The following PURB variants were observed in gnomAD, a reference collection of about 807,000 sequenced individuals.
The protein encoded by PURB is purine rich element binding protein B, also known as transcriptional regulator protein Pur-beta.
PURB carries 11 observed loss-of-function variants against 21.1 expected under a neutral mutation model. The ratio of observed to expected loss-of-function variants is 0.52; its 90% CI spans 0.33 to 0.86. PURB has a LOEUF of 0.86. PURB is among the 40% of genes least tolerant of loss of function. The pLI, the probability that PURB is intolerant of heterozygous loss-of-function variation, is 0.02. For missense variants in PURB, 357 were observed against 456.5 expected (o/e 0.78, Z 1.99); for synonymous variants, 246 against 210.8 (o/e 1.17, Z -1.45).
chr7:44,882,623 G>T lies in PURB; in HGVS notation c.*1787C>A, dbSNP rs1340422137. 6.6e-6 allele frequency: 1 copy of T among 152,074 alleles called. No homozygotes were observed. The highest frequency in any genetic ancestry group is 1.5e-5 in the Non-Finnish European group (1 of 68,018). The allele number at this position is 152,074 out of a possible 1,614,324, so 9.4% of individuals were successfully genotyped here. A position where few individuals can be genotyped will look rare whatever the true frequency, so the allele number is the denominator to read the frequency against. On this transcript the variant is annotated 3_prime_UTR_variant, in exon 1 of 1. Coordinates refer to ENST00000395699, the MANE Select transcript of PURB (RefSeq NM_033224.5). Reference sequence around the variant, plus strand: ...ATTTCCCAATAAATACAAAAAGATTGTATAGATTGAATAATACCAAAATAA... The same window carrying T: ...ATTTCCCAATAAATACAAAAAGATTTTATAGATTGAATAATACCAAAATAA...
In PURB at chr7:44,882,238, A is replaced by T. The variant is rs1183754910; in HGVS notation, c.*2172T>A. 1 of 152,674 alleles carries T rather than the reference A, an allele frequency of 6.5e-6. No individual in the cohort carries two copies. 9.5% of individuals were successfully genotyped at this position (152,674 alleles called of 1,614,324 possible). A position where few individuals can be genotyped will look rare whatever the true frequency, so the allele number is the denominator to read the frequency against. ...ACACTCAAAACACGTAGGTAAATACAGCAGGACATTATTGAAAAACAGCTG... is the reference window on the plus strand; with the variant it reads ...ACACTCAAAACACGTAGGTAAATACTGCAGGACATTATTGAAAAACAGCTG... On this transcript the variant is annotated 3_prime_UTR_variant, in exon 1 of 1. Transcript: ENST00000395699.
Position 44,885,482 on chromosome 7 carries a change from GCCC to G in PURB, c.-137_-135del. On this transcript the variant is annotated 5_prime_UTR_variant, in exon 1 of 1. Coordinates refer to ENST00000395699, the MANE Select transcript of PURB (RefSeq NM_033224.5). Reference sequence around the variant, plus strand: ...CCGCCGCTCATCGCCGGCCGCCGCCGCCCCCCCATCGCCTCCGCGCCCCGCCCC... The same window carrying G: ...CCGCCGCTCATCGCCGGCCGCCGCCGCCCCATCGCCTCCGCGCCCCGCCCC... The G allele has an allele frequency of 5.1e-6, 1 of 194,958 alleles. No individual in the cohort carries two copies. The highest frequency in any genetic ancestry group is 9.3e-6 in the Non-Finnish European group (1 of 107,796). The allele number at this position is 194,958 out of a possible 1,614,324, so 12.1% of individuals were successfully genotyped here. A position where few individuals can be genotyped will look rare whatever the true frequency, so the allele number is the denominator to read the frequency against.
Position 44,881,275 on chromosome 7 carries a change from A to C in PURB, c.*3135T>G, listed in dbSNP as rs947463348. On this transcript the variant is annotated 3_prime_UTR_variant, in exon 1 of 1. Transcript: ENST00000395699. ...TCATTCATAGCAACAACTGAAAAAC[A>C]AAAAAATTGGTTGTTTCCCATGTCT... 3.3e-5 allele frequency: 5 copies of C among 152,350 alleles called. No homozygotes were observed. The South Asian group carries it at 1.0e-3, about 32-fold the overall frequency. The allele number at this position is 152,350 out of a possible 1,614,324, so 9.4% of individuals were successfully genotyped here.
rs547915036 is a variant in PURB at position 44,882,638 on chromosome 7, T to A, written c.*1772A>T. ...CAAAAAGATTGTATAGATTGAATAA[T>A]ACCAAAATAAGATAATAAAAAGGAT... On this transcript the variant is annotated 3_prime_UTR_variant, in exon 1 of 1. Coordinates refer to ENST00000395699, the MANE Select transcript of PURB (RefSeq NM_033224.5). 5 of 152,212 alleles carry A rather than the reference T, an allele frequency of 3.3e-5. No homozygotes were observed. The highest frequency in any genetic ancestry group is 1.2e-4 in the African/African-American group (5 of 41,530). The allele number at this position is 152,212 out of a possible 1,614,324, so 9.4% of individuals were successfully genotyped here. A position where few individuals can be genotyped will look rare whatever the true frequency, so the allele number is the denominator to read the frequency against.
In PURB at chr7:44,884,345, G is replaced by A; in HGVS notation, c.*65C>T. The stretch of plus-strand genomic sequence containing the variant: ...CCACTAGCTCACTGGGGATGAGCAG[G>A]AAAGGGAATTCTCTAGCCAAGGGGA... On this transcript the variant is annotated 3_prime_UTR_variant, in exon 1 of 1. Transcript: ENST00000395699. The A allele has an allele frequency of 1.9e-6, 3 of 1,570,130 alleles. No individual in the cohort carries two copies. Among genetic ancestry groups the A allele is most frequent in the Non-Finnish European group, 1.7e-6 (2 of 1,161,352 alleles).
chr7:44,884,802 G>A lies in PURB; in HGVS notation c.547C>T (p.Arg183Cys). Residue 183 changes from arginine to cysteine, a missense_variant, in exon 1 of 1, where the codon CGC becomes TGC. Arg to Cys is a radical substitution (Grantham distance 180). Transcript: ENST00000395699. ...ALPAQGLIEF[R>C]DALAKLIDDY... is the part of the protein sequence containing the mutation. Reference sequence around the variant, plus strand: ...TCTATGAGCTTCGCCAGCGCGTCGCGGAACTCGATGAGGCCCTGCGCAGGC... The same window carrying A: ...TCTATGAGCTTCGCCAGCGCGTCGCAGAACTCGATGAGGCCCTGCGCAGGC... 2 of 1,600,136 alleles carry A rather than the reference G, an allele frequency of 1.2e-6. No individual in the cohort carries two copies. The highest frequency in any genetic ancestry group is 1.7e-4 in the Middle Eastern group (1 of 6,042).
In PURB at chr7:44,878,841, T is replaced by A. The variant is rs1170825402; in HGVS notation, c.*5569A>T. 2.0e-5 allele frequency: 3 copies of A among 152,368 alleles called. No individual in the cohort carries two copies. The highest frequency in any genetic ancestry group is 4.4e-5 in the Non-Finnish European group (3 of 68,032). The allele number at this position is 152,368 out of a possible 1,614,324, so 9.4% of individuals were successfully genotyped here. A position where few individuals can be genotyped will look rare whatever the true frequency, so the allele number is the denominator to read the frequency against. ...CTGTTAAATCCGTCAGTAATAAAAC[T>A]GAGTTTTAAGACTGAGGGCTGGGAA... On this transcript the variant is annotated 3_prime_UTR_variant, in exon 1 of 1. Coordinates refer to ENST00000395699, the MANE Select transcript of PURB (RefSeq NM_033224.5).
Position 44,879,809 on chromosome 7 carries a change from T to C in PURB, c.*4601A>G, listed in dbSNP as rs927894507. ...TTATCTAAGGGAGCCTGAGAAACTA[T>C]GATCCACATCACACAAAGATTTCAT... On this transcript the variant is annotated 3_prime_UTR_variant, in exon 1 of 1. Transcript: ENST00000395699. The C allele has an allele frequency of 2.0e-5, 3 of 152,662 alleles. No homozygotes were observed. Among genetic ancestry groups the C allele is most frequent in the African/African-American group, 7.2e-5 (3 of 41,464 alleles). 9.5% of individuals were successfully genotyped at this position (152,662 alleles called of 1,614,324 possible).
chr7:44,880,771 G>A lies in PURB; in HGVS notation c.*3639C>T, dbSNP rs1478215573. ...GGAAGCAGGAGGTTAACGGCTGCCT[G>A]CACCAAAAGCCTCTCAATCATTTTG... On this transcript the variant is annotated 3_prime_UTR_variant, in exon 1 of 1. Coordinates refer to ENST00000395699, the MANE Select transcript of PURB (RefSeq NM_033224.5). 1.3e-5 allele frequency: 2 copies of A among 152,644 alleles called. No individual in the cohort carries two copies. The highest frequency in any genetic ancestry group is 1.3e-4 in the Admixed American group (2 of 15,278). 9.5% of individuals were successfully genotyped at this position (152,644 alleles called of 1,614,324 possible).
In PURB at chr7:44,878,688, G is replaced by T. The variant is rs1012483503; in HGVS notation, c.*5722C>A. The T allele has an allele frequency of 6.6e-6, 1 of 152,600 alleles. No individual in the cohort carries two copies. Among genetic ancestry groups the T allele is most frequent in the African/African-American group, 2.4e-5 (1 of 41,426 alleles). The allele number at this position is 152,600 out of a possible 1,614,324, so 9.5% of individuals were successfully genotyped here. ...AAATACATTCATAAAGGCCTTACTT[G>T]GATCAGGGGTACAGATATCAATTGG... On this transcript the variant is annotated 3_prime_UTR_variant, in exon 1 of 1. Coordinates refer to ENST00000395699, the MANE Select transcript of PURB (RefSeq NM_033224.5).
In PURB at chr7:44,882,581, C is replaced by T. The variant is rs1475598695; in HGVS notation, c.*1829G>A. 2 of 152,092 alleles carry T rather than the reference C, an allele frequency of 1.3e-5. No homozygotes were observed. The highest frequency in any genetic ancestry group is 2.9e-5 in the Non-Finnish European group (2 of 67,994). The allele number at this position is 152,092 out of a possible 1,614,324, so 9.4% of individuals were successfully genotyped here. A position where few individuals can be genotyped will look rare whatever the true frequency, so the allele number is the denominator to read the frequency against. On this transcript the variant is annotated 3_prime_UTR_variant, in exon 1 of 1. Coordinates refer to ENST00000395699, the MANE Select transcript of PURB (RefSeq NM_033224.5). Reference sequence around the variant, plus strand: ...CTCTCAGCCACAAATACATGAAAACCTTTTTGTATATTACTCATTTCCCAA... The same window carrying T: ...CTCTCAGCCACAAATACATGAAAACTTTTTTGTATATTACTCATTTCCCAA...
rs1037310725 is a variant in PURB, at chr7:44,885,379, C to T, written c.-31G>A. 16 of 944,194 alleles carry T rather than the reference C, an allele frequency of 1.7e-5. No homozygotes were observed. The highest frequency in any genetic ancestry group is 4.4e-4 in the Middle Eastern group (1 of 2,278). 58.5% of individuals were successfully genotyped at this position (944,194 alleles called of 1,614,324 possible). On this transcript the variant is annotated 5_prime_UTR_variant, in exon 1 of 1. Coordinates refer to ENST00000395699, the MANE Select transcript of PURB (RefSeq NM_033224.5). ...AGGCCGCCGCCTCGCCGCCACCGCC[C>T]GCCGCGCTCGCGCCCCCGCCCTCCG...
Position 44,885,166 on chromosome 7 carries a change from G to C in PURB, c.183C>G (p.Ile61Met). Residue 61 changes from isoleucine to methionine, a missense_variant, in exon 1 of 1, where the codon ATC becomes ATG. Physicochemically the swap from Ile to Met is conservative, Grantham distance 10. Coordinates refer to ENST00000395699, the MANE Select transcript of PURB (RefSeq NM_033224.5). ...KQNAKGRFLK[I>M]AEVGAGGSKS... ...TGGAACCGCCCGCGCCCACCTCGGC[G>C]ATCTTGAGGAAGCGGCCCTTGGCGT... The C allele has an allele frequency of 6.3e-7, 1 of 1,582,618 alleles. No individual in the cohort carries two copies. The highest frequency in any genetic ancestry group is 8.6e-7 in the Non-Finnish European group (1 of 1,169,512).
rs1002573349 is a variant in PURB, at chr7:44,884,769, C to T, written c.580G>A (p.Gly194Arg). 3 of 1,610,130 alleles carry T rather than the reference C, an allele frequency of 1.9e-6. No homozygotes were observed. Among genetic ancestry groups the T allele is most frequent in the Non-Finnish European group, 2.5e-6 (3 of 1,178,964 alleles). The change falls in exon 1 of 1, where the codon GGA becomes AGA. Residue 194 changes from glycine to arginine, a missense_variant. Transcript: ENST00000395699. ...DALAKLIDDYGGEDDELAGGP... is the reference protein window; with the variant it reads ...DALAKLIDDYRGEDDELAGGP... ...CCTGCCAGCTCGTCGTCCTCGCCTC[C>T]GTAGTCGTCTATGAGCTTCGCCAGC...
rs1021092467 is a variant in PURB, at chr7:44,881,116, T to G, written c.*3294A>C. 1 of 152,424 alleles carries G rather than the reference T, an allele frequency of 6.6e-6. No homozygotes were observed. The highest frequency in any genetic ancestry group is 2.4e-5 in the African/African-American group (1 of 41,452). The allele number at this position is 152,424 out of a possible 1,614,324, so 9.4% of individuals were successfully genotyped here. On this transcript the variant is annotated 3_prime_UTR_variant, in exon 1 of 1. Coordinates refer to ENST00000395699, the MANE Select transcript of PURB (RefSeq NM_033224.5). ...GTTCCTAAAATTTGGCTTTTCACCT[T>G]TGTAACTATGGTAGTTTGGGAAACA...
chr7:44,882,988 AG>A lies in PURB; in HGVS notation c.*1421del, dbSNP rs1328382512. On this transcript the variant is annotated 3_prime_UTR_variant, in exon 1 of 1. Coordinates refer to ENST00000395699, the MANE Select transcript of PURB (RefSeq NM_033224.5). ...AAAGACAGCTGGATTAACTGGCAAA[AG>A]CCAGTTTGTTGAAATTTCAAGATGG... 1 of 152,334 alleles carries A rather than the reference AG, an allele frequency of 6.6e-6. No homozygotes were observed. Among genetic ancestry groups the A allele is most frequent in the Non-Finnish European group, 1.5e-5 (1 of 68,030 alleles). The allele number at this position is 152,334 out of a possible 1,614,324, so 9.4% of individuals were successfully genotyped here.
At position 44,884,941 on chromosome 7, in the gene PURB, C is replaced by T. The variant is rs1222547936; in HGVS notation, c.408G>A (p.Lys136=). ...GCAGGAAGCGGCCGCGCTGGTTCTC[C>T]TTGAGGTCCAGGTAGTACTTGCGGT... The part of the protein sequence containing the change: ...RENRKYYLDL[K]ENQRGRFLRI... The change falls in exon 1 of 1, where the codon AAG becomes AAA. Residue 136 remains lysine, a synonymous_variant. Coordinates refer to ENST00000395699, the MANE Select transcript of PURB (RefSeq NM_033224.5). The T allele has an allele frequency of 8.2e-6, 13 of 1,586,130 alleles. No individual in the cohort carries two copies. Among genetic ancestry groups the T allele is most frequent in the Non-Finnish European group, 1.1e-5 (13 of 1,168,466 alleles).
Position 44,882,636 on chromosome 7 carries a change from A to G in PURB, c.*1774T>C, listed in dbSNP as rs895587868. 1 of 152,242 alleles carries G rather than the reference A, an allele frequency of 6.6e-6. No individual in the cohort carries two copies. The highest frequency in any genetic ancestry group is 2.1e-4 in the South Asian group (1 of 4,836). 9.4% of individuals were successfully genotyped at this position (152,242 alleles called of 1,614,324 possible). A position where few individuals can be genotyped will look rare whatever the true frequency, so the allele number is the denominator to read the frequency against. ...TACAAAAAGATTGTATAGATTGAATAATACCAAAATAAGATAATAAAAAGG... is the reference window on the plus strand; with the variant it reads ...TACAAAAAGATTGTATAGATTGAATGATACCAAAATAAGATAATAAAAAGG... On this transcript the variant is annotated 3_prime_UTR_variant, in exon 1 of 1. Coordinates refer to ENST00000395699, the MANE Select transcript of PURB (RefSeq NM_033224.5).
At position 44,884,452 on chromosome 7, in the gene PURB, G is replaced by GCCGCTGCCC; in HGVS notation, c.888_896dup (p.Ser298_Gly300dup). The GCCGCTGCCC allele has an allele frequency of 6.2e-7, 1 of 1,613,632 alleles. No individual in the cohort carries two copies. Among genetic ancestry groups the GCCGCTGCCC allele is most frequent in the Non-Finnish European group, 8.5e-7 (1 of 1,179,992 alleles). ...CCTCACCCTCTGACTCTTCGCCGCC[G>GCCGCTGCCC]CCGCTGCCCCCACCACGTCGCTCAT... On this transcript the variant is annotated inframe_insertion, in exon 1 of 1. Transcript: ENST00000395699.
Sources: allele counts gnomAD v4.1 joint callset, GRCh38; gene constraint gnomAD v4.1.1; transcripts MANE v1.5; gene names NCBI Gene and HGNC (gene_info 2026-07-23, HGNC 2026-07-21).